The following DPT variants were observed in gnomAD, a reference collection of about 807,000 sequenced individuals.
DPT encodes tyrosine-rich acidic matrix protein.
A neutral mutation model predicts 31.2 loss-of-function variants in DPT; 21 were observed. The ratio of observed to expected loss-of-function variants is 0.67; its 90% CI spans 0.48 to 0.97. The LOEUF is 0.97. Among genes scored for constraint, DPT ranks in the 50% least tolerant of loss-of-function variants. The pLI is 0.00. For missense variants in DPT, 262 were observed against 258.8 expected, an observed-to-expected ratio of 1.01 and a Z score of -0.08; for synonymous variants, 91 against 86.9, an observed-to-expected ratio of 1.05 and a Z score of -0.26.
chr1:168,726,711 C>T (rs553300788), intron 1 of DPT, among the ~76,000 whole-genome samples: 28 of 152,336 alleles, frequency 1.8e-4, no homozygotes, highest in Admixed American at 1.4e-3. Context: ...CGATAGTGCT[C>T]CTGAGAGGTG....
At chr1:168,722,698 T>C (rs927030072) in intron 1 of DPT, among the ~76,000 whole-genome samples, 1 of 152,200 alleles carries the variant, frequency 6.6e-6, no homozygotes, top group African/African-American at 2.4e-5. Flanking sequence ...ACAACAGTTC[T>C]AGGGAGGTGT....
At chr1:168,702,291 A>C (rs1649616790) in intron 2 of DPT, among the ~76,000 whole-genome samples, 1 of 152,228 alleles carries the variant, frequency 6.6e-6, no homozygotes, top group African/African-American at 2.4e-5. Context: ...GATTGTCATT[A>C]AATCATGAAA....
chr1:168,707,549 C>T (rs1398853431), intron 2 of DPT, among the ~76,000 whole-genome samples: 1 of 152,146 alleles, frequency 6.6e-6, no homozygotes, highest in Non-Finnish European at 1.5e-5. Flanking sequence ...AGAGGTATCA[C>T]CTATAATGCA....
chr1:168,712,871 G>T (rs150986246), intron 2 of DPT, among the ~76,000 whole-genome samples: 4 of 152,142 alleles, frequency 2.6e-5, no homozygotes, highest in African/African-American at 7.2e-5. Context: ...GTATTAACAT[G>T]CTAAGTGCAT....
chr1:168,729,097 T>A lies in DPT; in HGVS notation c.78A>T (p.Pro26=). Residue 26 remains proline, a synonymous_variant, in exon 1 of 4, where the codon CCA becomes CCT. Coordinates refer to ENST00000367817, the MANE Select transcript of DPT (RefSeq NM_001937.5). The part of the protein sequence containing the change: ...AWGQYGDYGY[P]YQQYHDYSDD... ...CGCTGTAGTCATGATACTGCTGGTA[T>A]GGGTATCCATAATCGCCATACTGGC... is the stretch of plus-strand genomic sequence containing the variant. 1 of 1,614,190 alleles carries A rather than the reference T, an allele frequency of 6.2e-7. No individual in the cohort carries two copies. Among genetic ancestry groups the A allele is most frequent in the Non-Finnish European group, 8.5e-7 (1 of 1,180,036 alleles).
intron 2 of DPT, among the ~76,000 whole-genome samples, chr1:168,706,768 T>C (rs1020340252): frequency 2.6e-5 from 4 of 152,236 alleles, no homozygotes; most frequent in African/African-American, 9.6e-5. Flanking sequence ...GTAGCTTAAA[T>C]GAGTAGAGGA....
At chr1:168,717,334 T>C (rs1245683197) in intron 1 of DPT, among the ~76,000 whole-genome samples, 1 of 152,248 alleles carries the variant, frequency 6.6e-6, no homozygotes, top group Non-Finnish European at 1.5e-5. Flanking sequence ...CATATGTTTG[T>C]TGGCCACATA....
intron 3 of DPT, 62 bp from the exon 4 acceptor site, chr1:168,696,677 T>C: frequency 6.8e-7 from 1 of 1,460,096 alleles, no homozygotes; most frequent in South Asian, 1.2e-5. Context: ...GAAGAATCGC[T>C]GCTGGGGAAA....
In DPT at chr1:168,729,197, A is replaced by G; in HGVS notation, c.-23T>C. On this transcript the variant is annotated 5_prime_UTR_variant, in exon 1 of 4. Coordinates refer to ENST00000367817, the MANE Select transcript of DPT (RefSeq NM_001937.5). ...CATGCTGCCTGGGATTTTGGCAAAC[A>G]ATGTCACTCTAAGATTGCTGGTCTG... The G allele has an allele frequency of 1.2e-6, 2 of 1,604,536 alleles. No individual in the cohort carries two copies. Among genetic ancestry groups the G allele is most frequent in the Non-Finnish European group, 1.7e-6 (2 of 1,174,718 alleles).
Position 168,701,185 on chromosome 1 carries a change from C to G in DPT, c.432-61G>C, listed in dbSNP as rs566375380. On this transcript the variant is annotated intron_variant, in intron 2 of 3. Coordinates refer to ENST00000367817, the MANE Select transcript of DPT (RefSeq NM_001937.5). ...ACACATTATTATTGCTGGGAGCAAA[C>G]AGAAGACACACTATGAAGAAGAGAT... 6 of 1,250,200 alleles carry G rather than the reference C, an allele frequency of 4.8e-6. No individual in the cohort carries two copies. The Admixed American group carries it at 1.0e-4, about 21-fold the overall frequency. 77.4% of individuals were successfully genotyped at this position (1,250,200 alleles called of 1,614,324 possible). A position where few individuals can be genotyped will look rare whatever the true frequency, so the allele number is the denominator to read the frequency against.
At chr1:168,721,396 G>A (rs573418) in intron 1 of DPT, among the ~76,000 whole-genome samples, 45,327 of 151,974 alleles carry the variant, frequency 0.3, 7,135 homozygotes, top group East Asian at 0.52. Context: ...CTGGCACAAC[G>A]TATATAATTG....
intron 3 of DPT, among the ~76,000 whole-genome samples, 165 bp downstream of exon 3, chr1:168,700,852 A>C (rs1649577075): frequency 6.6e-6 from 1 of 151,864 alleles, no homozygotes; most frequent in Admixed American, 6.6e-5. Flanking sequence ...TTCCTGCAGA[A>C]ATATATGTGC....
rs1217061026 is a variant in DPT, at chr1:168,727,337, C to T, written c.305+1533G>A. Reference sequence around the variant, plus strand: ...ATATACCCTTGTTTTGAGCATTACACGAGATGATCCACATAAAGCACTTAG... The same window carrying T: ...ATATACCCTTGTTTTGAGCATTACATGAGATGATCCACATAAAGCACTTAG... On this transcript the variant is annotated intron_variant, in intron 1 of 3. Transcript: ENST00000367817. Among the ~76,000 whole-genome samples, 6 of 152,162 alleles carry T rather than the reference C, an allele frequency of 3.9e-5. No individual in the cohort carries two copies. In the South Asian group the frequency reaches 6.2e-4, roughly 16 times the overall value.
chr1:168,713,943 G>A (rs983753417), intron 2 of DPT, among the ~76,000 whole-genome samples: 13 of 152,178 alleles, frequency 8.5e-5, no homozygotes, highest in African/African-American at 3.1e-4. Context: ...TTAAGACTTG[G>A]CATTCCCACA....
intron 1 of DPT, among the ~76,000 whole-genome samples, chr1:168,724,128 T>C (rs931861720): frequency 1.3e-5 from 2 of 152,206 alleles, no homozygotes; most frequent in Non-Finnish European, 2.9e-5. Flanking sequence ...TTAAGATTAT[T>C]GAGAGAATGA....
In DPT at chr1:168,714,314, GC is replaced by G; in HGVS notation, c.337del (p.Ala113GlnfsTer33). 1.9e-6 allele frequency: 3 copies of G among 1,614,020 alleles called. No homozygotes were observed. The highest frequency in any genetic ancestry group is 2.5e-6 in the Non-Finnish European group (3 of 1,180,016). On this transcript the variant is annotated frameshift_variant, in exon 2 of 4. Coordinates refer to ENST00000367817, the MANE Select transcript of DPT (RefSeq NM_001937.5). LOFTEE classifies it high-confidence loss of function. ...YQTCSNNGLV[A>X]GFQSRYFESV... ...CTCGAAGTAGCGGCTCTGGAATCCT[GC>G]CACCAGCCCATTGTTGGAGCACGTC...
chr1:168,700,489 CTT>C (rs1649569872), intron 3 of DPT, among the ~76,000 whole-genome samples: 1 of 152,192 alleles, frequency 6.6e-6, no homozygotes, highest in South Asian at 2.1e-4. Context: ...TCTCTTCTCT[CTT>C]CTTTCCTAAA....
At position 168,729,003 on chromosome 1, in the gene DPT, C is replaced by A; in HGVS notation, c.172G>T (p.Ala58Ser). The A allele has an allele frequency of 6.2e-7, 1 of 1,614,244 alleles. No individual in the cohort carries two copies. The highest frequency in any genetic ancestry group is 8.5e-7 in the Non-Finnish European group (1 of 1,180,046). ...TTCTTGCTGAAGATGCTCCTCACGG[C>A]CACTATCACCTGCCCCTGGGGACAC... ...YQCPQGQVIV[A>S]VRSIFSKKEG... is the part of the protein sequence containing the mutation. Residue 58 changes from alanine (A) to serine (S), a missense_variant, in exon 1 of 4, where the codon GCC becomes TCC. Ala to Ser is a moderately conservative substitution (Grantham distance 99). Transcript: ENST00000367817.
Position 168,696,472 on chromosome 1 carries a change from C to G in DPT, c.*77G>C. On this transcript the variant is annotated 3_prime_UTR_variant, in exon 4 of 4. Coordinates refer to ENST00000367817, the MANE Select transcript of DPT (RefSeq NM_001937.5). Reference sequence around the variant, plus strand: ...GCAGCAGAAACTTCTATAGGAGATCCAACTGATGTTAACATATGTGGACAC... The same window carrying G: ...GCAGCAGAAACTTCTATAGGAGATCGAACTGATGTTAACATATGTGGACAC... 4.7e-6 allele frequency: 6 copies of G among 1,286,816 alleles called. No homozygotes were observed. The highest frequency in any genetic ancestry group is 6.6e-6 in the Non-Finnish European group (6 of 914,098). 79.7% of individuals were successfully genotyped at this position (1,286,816 alleles called of 1,614,324 possible).
Sources: gnomAD v4.1 joint callset for allele counts (sites outside exome capture counted in the v4.1 genomes callset) on GRCh38, gnomAD v4.1.1 for gene constraint, MANE v1.5 for transcripts, NCBI Gene and HGNC (gene_info 2026-07-23, HGNC 2026-07-21) for gene names.